Variants in PIN4 observed in about 807,000 individuals in gnomAD.
PIN4 encodes peptidylprolyl cis/trans isomerase, NIMA-interacting 4, also known as peptidyl-prolyl cis-trans isomerase NIMA-interacting 4.
Under a neutral mutation model 8.3 loss-of-function variants are expected in PIN4, and 3 were observed. That is an observed-to-expected ratio of 0.36 (90% CI 0.16 to 0.93). The LOEUF (loss-of-function observed/expected upper bound fraction) is 0.93. PIN4 is among the 40% of genes least tolerant of loss of function. The pLI, the probability that PIN4 is intolerant of heterozygous loss-of-function variation, is 0.44. For synonymous variants in PIN4, 18 were observed against 32.5 expected (o/e 0.55, Z 1.52); for missense variants, 75 against 100.6 (o/e 0.75, Z 1.09).
intron 3 of PIN4, among the ~76,000 whole-genome samples, chrX:72,239,233 A>G (rs961011867): frequency 1.8e-4 from 20 of 112,573 alleles, no homozygotes; most frequent in African/African-American, 5.2e-4. Flanking sequence ...TTTCAATCCA[A>G]TTCAAACCAT....
chrX:72,228,879 G>C (rs182384803), intron 3 of PIN4, among the ~76,000 whole-genome samples: 1 of 111,044 alleles, frequency 9.0e-6, no homozygotes, highest in African/African-American at 3.3e-5. Flanking sequence ...CTTTGCTCCT[G>C]AATGCTGGAT....
intron 2 of PIN4, among the ~76,000 whole-genome samples, chrX:72,194,141 T>C (rs1026664432): frequency 8.9e-6 from 1 of 111,741 alleles, no homozygotes; most frequent in Non-Finnish European, 1.9e-5. Flanking sequence ...GGCTCATGCC[T>C]GTAATGCCAG....
intron 3 of PIN4, among the ~76,000 whole-genome samples, chrX:72,225,363 A>C (rs913700786): frequency 3.6e-5 from 4 of 111,833 alleles, no homozygotes; most frequent in African/African-American, 1.3e-4. Flanking sequence ...GCTTCAGTAC[A>C]TGGATGATTT....
At chrX:72,236,627 T>C (rs2043018835) in intron 3 of PIN4, among the ~76,000 whole-genome samples, 1 of 112,054 alleles carries the variant, frequency 8.9e-6, no homozygotes, top group African/African-American at 3.2e-5. Context: ...CCGGGCTTCA[T>C]GGCACACACC....
intron 3 of PIN4, among the ~76,000 whole-genome samples, chrX:72,261,742 C>T (rs1392782110): frequency 8.9e-6 from 1 of 112,081 alleles, no homozygotes; most frequent in Non-Finnish European, 1.9e-5. Flanking sequence ...CTAACGATTA[C>T]TAATTGTGAT....
chrX:72,229,944 G>A (rs2042974012), intron 3 of PIN4, among the ~76,000 whole-genome samples: 1 of 111,404 alleles, frequency 9.0e-6, no homozygotes, highest in Admixed American at 9.6e-5. Flanking sequence ...TGTAATCCCA[G>A]CACTTTGGGA....
At chrX:72,257,177 C>T (rs144483894) in intron 3 of PIN4, among the ~76,000 whole-genome samples, 8,358 of 110,519 alleles carry the variant, frequency 0.076, 503 homozygotes, top group East Asian at 0.48. Flanking sequence ...AAAAATTAGC[C>T]GGGCGTGGTG....
At chrX:72,185,098 C>T (rs896112935) in intron 1 of PIN4, among the ~76,000 whole-genome samples, 47 of 92,904 alleles carry the variant, frequency 5.1e-4, no homozygotes, top group Non-Finnish European at 9.5e-4. Context: ...GAGCCGAAAT[C>T]GCGCCACTGC....
intron 2 of PIN4, among the ~76,000 whole-genome samples, chrX:72,195,881 G>A: frequency 1.8e-5 from 2 of 110,625 alleles, no homozygotes; most frequent in Non-Finnish European, 3.8e-5. Context: ...CACTTTGGGA[G>A]GCCGAGGCGG....
intron 3 of PIN4, among the ~76,000 whole-genome samples, chrX:72,234,623 G>A (rs1354149647): frequency 3.6e-5 from 4 of 111,178 alleles, no homozygotes; most frequent in African/African-American, 6.5e-5. Flanking sequence ...TTGGTGGGCT[G>A]AAGTCCTTAT....
downstream of PIN4, among the ~76,000 whole-genome samples, chrX:72,203,141 T>TAACA (rs2042797099): frequency 1.8e-5 from 2 of 111,805 alleles, no homozygotes; most frequent in African/African-American, 3.3e-5. Flanking sequence ...TCAAAAACCT[T>TAACA]AACAATGGAG....
At chrX:72,203,423 T>C (rs2042799009) in intron 3 of PIN4, among the ~76,000 whole-genome samples, 1 of 111,839 alleles carries the variant, frequency 8.9e-6, no homozygotes, top group African/African-American at 3.3e-5. Flanking sequence ...GTGGTTAACA[T>C]GGGGACCGAA....
At chrX:72,200,838 G>A (rs1878981487), downstream of PIN4, among the ~76,000 whole-genome samples, 2 of 111,630 alleles carry the variant, frequency 1.8e-5, no homozygotes, top group Admixed American at 1.9e-4. Context: ...TTAGATCAGG[G>A]GTCTTAACCT....
chrX:72,205,189 G>A lies in PIN4; in HGVS notation c.312+8285G>A, dbSNP rs1226349013. On this transcript the variant is annotated intron_variant, in intron 3 of 3. Transcript: ENST00000423432. ...CTCATAGTCATTTGTAGCCTCTGCC[G>A]CCTTATCCTGGGGAGAACCAACCAA... 7.4e-6 allele frequency: 9 copies of A among 1,209,562 alleles called. No homozygotes were observed. The African/African-American group carries it at 8.8e-5, about 12-fold the overall frequency.
chrX:72,239,175 C>T, intron 3 of PIN4: 3 of 367,983 alleles, frequency 8.2e-6, no homozygotes, highest in Non-Finnish European at 1.5e-5. Context: ...AAGGTGATCT[C>T]TGCCTTCGAG....
At chrX:72,194,969 T>C (rs952489802) in intron 2 of PIN4, among the ~76,000 whole-genome samples, 2 of 112,056 alleles carry the variant, frequency 1.8e-5, no homozygotes, top group Non-Finnish European at 3.8e-5. Context: ...TGTACAGGTT[T>C]GTAGCCTAGG....
At chrX:72,214,604 C>T (rs966974295) in intron 3 of PIN4, among the ~76,000 whole-genome samples, 2 of 100,713 alleles carry the variant, frequency 2.0e-5, no homozygotes, top group Non-Finnish European at 3.9e-5. Context: ...ACCAGGGAGG[C>T]GGAAGTTGCA....
At chrX:72,224,712 T>C (rs1244017853) in intron 3 of PIN4, among the ~76,000 whole-genome samples, 2 of 111,351 alleles carry the variant, frequency 1.8e-5, no homozygotes, top group Non-Finnish European at 3.8e-5. Flanking sequence ...GCCATTGTAC[T>C]CCAGCCTGGG....
At chrX:72,255,484 G>A (rs1382409107) in intron 3 of PIN4, among the ~76,000 whole-genome samples, 1 of 108,807 alleles carries the variant, frequency 9.2e-6, no homozygotes, top group African/African-American at 3.3e-5. Context: ...TCCCTGCCGC[G>A]TGGTGCCCTC....
Sources: allele counts gnomAD v4.1 joint callset (sites outside exome capture counted in the v4.1 genomes callset), GRCh38; gene constraint gnomAD v4.1.1; transcripts MANE v1.5; gene names NCBI Gene and HGNC (gene_info 2026-07-23, HGNC 2026-07-21).